CNTN1: variants seen among roughly 807,000 people sequenced by gnomAD.
CNTN1 encodes the protein contactin-1.
In CNTN1, 38 loss-of-function variants were observed where a neutral mutation model predicts 126.4. The ratio of observed to expected loss-of-function variants is 0.30; its 90% CI spans 0.23 to 0.39. The LOEUF (loss-of-function observed/expected upper bound fraction) is 0.39, where lower values mean the gene tolerates loss of function less well. Among genes scored for constraint, CNTN1 ranks in the 10% least tolerant of loss-of-function variants. CNTN1 has a pLI of 1.00. For missense variants in CNTN1, 1,009 were observed against 1,248.4 expected (o/e 0.81, Z 2.89); for synonymous variants, 413 against 422.6 (o/e 0.98, Z 0.28).
At chr12:40,743,357 T>A (rs74076712) in intron 1 of CNTN1, among the ~76,000 whole-genome samples, 21,550 of 151,820 alleles carry the variant, frequency 0.14, 1,772 homozygotes, top group African/African-American at 0.22. Flanking sequence ...AAAATAATTT[T>A]AAAAAAAATT....
At chr12:40,771,616 G>A (rs928995280) in intron 1 of CNTN1, among the ~76,000 whole-genome samples, 1 of 151,906 alleles carries the variant, frequency 6.6e-6, no homozygotes, top group Admixed American at 6.6e-5. Context: ...GGAAAGATAT[G>A]TATTGCTGCT....
chr12:40,742,622 C>T (rs1359738144), intron 1 of CNTN1, among the ~76,000 whole-genome samples: 2 of 151,990 alleles, frequency 1.3e-5, no homozygotes, highest in East Asian at 3.9e-4. Context: ...TCACTGCAGC[C>T]TCAAACTTCT....
intron 1 of CNTN1, among the ~76,000 whole-genome samples, chr12:40,900,348 C>T (rs1944561417): frequency 6.6e-6 from 1 of 152,178 alleles, no homozygotes; most frequent in South Asian, 2.1e-4. Context: ...GCTACAGCCA[C>T]ACGTATTCCC....
intron 15 of CNTN1, among the ~76,000 whole-genome samples, chr12:40,975,578 T>C (rs1947651129): frequency 6.6e-6 from 1 of 152,116 alleles, no homozygotes; most frequent in African/African-American, 2.4e-5. Context: ...TGAAATTTTA[T>C]GGAACATTCT....
intron 9 of CNTN1, among the ~76,000 whole-genome samples, chr12:40,934,854 C>T (rs1946025675): frequency 6.6e-6 from 1 of 152,026 alleles, no homozygotes; most frequent in African/African-American, 2.4e-5. Context: ...ATGATCAATT[C>T]TCAGTTGTAC....
chr12:40,699,079 C>CCTATGGTAA (rs1941531179), intron 1 of CNTN1, among the ~76,000 whole-genome samples: 1 of 151,612 alleles, frequency 6.6e-6, no homozygotes, highest in Admixed American at 6.6e-5. Flanking sequence ...AATTTTGACT[C>CCTATGGTAA]CCTGTGGATA....
chr12:41,005,855 G>A (rs1255650026), intron 17 of CNTN1, among the ~76,000 whole-genome samples: 1 of 151,942 alleles, frequency 6.6e-6, no homozygotes, highest in Admixed American at 6.6e-5. Context: ...CCTTACCTTG[G>A]GTTACAGTAT....
chr12:41,032,375 A>C (rs538150700), intron 23 of CNTN1, among the ~76,000 whole-genome samples: 1,629 of 102,370 alleles, frequency 0.016, 11 homozygotes, highest in Middle Eastern at 0.03. Flanking sequence ...CTCAAAAAAA[A>C]AAAAAAAAGA....
At chr12:40,873,536 T>C (rs1486702436) in intron 1 of CNTN1, among the ~76,000 whole-genome samples, 1 of 152,178 alleles carries the variant, frequency 6.6e-6, no homozygotes, top group African/African-American at 2.4e-5. Flanking sequence ...ATGTAAAATT[T>C]GAGCAATTTT....
intron 17 of CNTN1, among the ~76,000 whole-genome samples, chr12:41,000,488 T>A (rs762971320): frequency 6.6e-5 from 10 of 152,144 alleles, no homozygotes; most frequent in Non-Finnish European, 1.2e-4. Flanking sequence ...ATATCTAAAG[T>A]GCTACAAATT....
At chr12:40,773,388 C>T (rs1939423461) in intron 1 of CNTN1, among the ~76,000 whole-genome samples, 1 of 151,368 alleles carries the variant, frequency 6.6e-6, no homozygotes, top group Non-Finnish European at 1.5e-5. Flanking sequence ...GACATTTTTC[C>T]ATCCTTTCAA....
At chr12:40,882,189 C>A (rs1282720271) in intron 1 of CNTN1, among the ~76,000 whole-genome samples, 1 of 151,320 alleles carries the variant, frequency 6.6e-6, no homozygotes, top group Non-Finnish European at 1.5e-5. Context: ...GATAAGGCAA[C>A]AAAAGAAGTA....
At chr12:40,960,124 C>T (rs748176053) in intron 15 of CNTN1, among the ~76,000 whole-genome samples, 12 of 151,994 alleles carry the variant, frequency 7.9e-5, no homozygotes, top group Middle Eastern at 6.8e-3. Flanking sequence ...ATATGAGCTC[C>T]GATCTTCTGA....
At chr12:40,992,127 A>G (rs1057109665) in intron 16 of CNTN1, among the ~76,000 whole-genome samples, 3 of 152,202 alleles carry the variant, frequency 2.0e-5, no homozygotes, top group Non-Finnish European at 4.4e-5. Flanking sequence ...AATCTACAGA[A>G]CAAATCCATA....
chr12:40,801,733 T>C (rs777995733), intron 1 of CNTN1, among the ~76,000 whole-genome samples: 1 of 151,824 alleles, frequency 6.6e-6, no homozygotes, highest in Non-Finnish European at 1.5e-5. Flanking sequence ...TTATGCCATA[T>C]TGAAGATTTA....
At chr12:40,730,875 G>A (rs539242553) in intron 1 of CNTN1, among the ~76,000 whole-genome samples, 1 of 152,122 alleles carries the variant, frequency 6.6e-6, no homozygotes, top group South Asian at 2.1e-4. Context: ...TCATCAATCT[G>A]TAATATTTGT....
intron 16 of CNTN1, among the ~76,000 whole-genome samples, chr12:40,991,799 G>T (rs1378748103): frequency 6.6e-6 from 1 of 152,194 alleles, no homozygotes; most frequent in Non-Finnish European, 1.5e-5. Context: ...CTGCACTCCA[G>T]CCTGGGTGAC....
At chr12:40,892,185 T>A (rs1462926856) in intron 1 of CNTN1, among the ~76,000 whole-genome samples, 2 of 152,102 alleles carry the variant, frequency 1.3e-5, no homozygotes, top group African/African-American at 4.8e-5. Context: ...AGAATTTGTA[T>A]TGTGAGCCTG....
chr12:40,837,005 C>G (rs1638910002), intron 1 of CNTN1, among the ~76,000 whole-genome samples: 2 of 152,124 alleles, frequency 1.3e-5, no homozygotes, highest in Non-Finnish European at 1.5e-5. Context: ...TTTTAAATGT[C>G]AATGCATTTA....
Sources: allele counts gnomAD v4.1 joint callset (sites outside exome capture counted in the v4.1 genomes callset), GRCh38; gene constraint gnomAD v4.1.1; transcripts MANE v1.5; gene names NCBI Gene and HGNC (gene_info 2026-07-23, HGNC 2026-07-21).